STRADB: variants seen among roughly 807,000 people sequenced by gnomAD.
The protein encoded by STRADB is STE20-related kinase adapter protein beta.
STRADB carries 34 observed loss-of-function variants against 52.1 expected under a neutral mutation model. The observed-to-expected ratio is 0.65, with a 90% confidence interval of 0.50 to 0.87. The LOEUF (loss-of-function observed/expected upper bound fraction) is 0.87, where lower values mean the gene tolerates loss of function less well. Ranked by LOEUF, STRADB falls within the 40% of genes least tolerant of loss-of-function variation. The pLI is 0.00. For missense variants in STRADB, 340 were observed against 483.9 expected, an observed-to-expected ratio of 0.70 and a Z score of 2.79; for synonymous variants, 133 against 174.5, an observed-to-expected ratio of 0.76 and a Z score of 1.87.
At chr2:201,476,885 G>A (rs1322408925) in intron 7 of STRADB, among the ~76,000 whole-genome samples, 1 of 146,000 alleles carries the variant, frequency 6.8e-6, no homozygotes, top group Non-Finnish European at 1.5e-5. Flanking sequence ...AGGAGGCTGA[G>A]GCAGGAGAAT....
At chr2:201,466,024 A>G (rs1246921284) in intron 3 of STRADB, among the ~76,000 whole-genome samples, 1 of 152,214 alleles carries the variant, frequency 6.6e-6, no homozygotes, top group Non-Finnish European at 1.5e-5. Context: ...AGTTAAAAAC[A>G]GGTACTGTGA....
chr2:201,477,099 C>G (rs530457869), intron 7 of STRADB, among the ~76,000 whole-genome samples: 50 of 101,834 alleles, frequency 4.9e-4, no homozygotes, highest in Middle Eastern at 0.016. Flanking sequence ...GAGTCTCACT[C>G]TGTCCCCCAG....
chr2:201,472,891 A>T (rs1952412596), intron 4 of STRADB, 64 bp from the exon 5 acceptor site: 6 of 1,480,106 alleles, frequency 4.1e-6, no homozygotes, highest in Non-Finnish European at 5.4e-6. Flanking sequence ...AATTTTGATG[A>T]TGTCTAAATT....
At position 201,479,527 on chromosome 2, in the gene STRADB, A is replaced by G. The variant is rs1321710050; in HGVS notation, c.1109A>G (p.Lys370Arg). Residue 370 changes from lysine (K) to arginine (R), a missense_variant, in exon 11 of 12, where the codon AAA becomes AGA. Coordinates refer to ENST00000194530, the MANE Select transcript of STRADB (RefSeq NM_018571.6). ...AGTTTATTGTCCCATGTTTTCTTCA[A>G]ACAGGTGAGCTGATCTATCATCCGT... ...ASSLLSHVFF[K>R]QMKEESQDSI... The G allele has an allele frequency of 2.5e-6, 4 of 1,602,690 alleles. No homozygotes were observed. Among genetic ancestry groups the G allele is most frequent in the African/African-American group, 2.7e-5 (2 of 74,164 alleles).
chr2:201,475,343 A>G (rs1226860879), intron 6 of STRADB, among the ~76,000 whole-genome samples: 1 of 146,510 alleles, frequency 6.8e-6, no homozygotes, highest in African/African-American at 2.5e-5. Flanking sequence ...TGGATTTAAG[A>G]AAAAAAAAAA....
intron 11 of STRADB, 114 bp downstream of exon 11, chr2:201,479,645 G>A (rs1952538721): frequency 1.9e-6 from 2 of 1,047,322 alleles, no homozygotes; most frequent in Non-Finnish European, 1.4e-6. Context: ...TAATAACTTT[G>A]TTACAAAATA....
chr2:201,461,385 C>G (rs916511905), intron 3 of STRADB, among the ~76,000 whole-genome samples: 1 of 152,052 alleles, frequency 6.6e-6, no homozygotes, highest in African/African-American at 2.4e-5. Flanking sequence ...GTTGACCAGG[C>G]CGATCTTGAA....
At chr2:201,459,693 G>A (rs1952183394) in intron 3 of STRADB, among the ~76,000 whole-genome samples, 1 of 152,152 alleles carries the variant, frequency 6.6e-6, no homozygotes, top group Non-Finnish European at 1.5e-5. Context: ...CATCTGTTCA[G>A]TGTTCAGTAA....
rs1488660912 is a variant in STRADB at position 201,473,086 on chromosome 2, T to C, written c.315+10T>C. 1 of 1,608,814 alleles carries C rather than the reference T, an allele frequency of 6.2e-7. No homozygotes were observed. Among genetic ancestry groups the C allele is most frequent in the Non-Finnish European group, 8.5e-7 (1 of 1,178,474 alleles). ...CCTGAAAGCTTTACAGGTAACAATA[T>C]GAAGAAAATGATACACAGTTGGGCC... is the stretch of plus-strand genomic sequence containing the variant. On this transcript the variant is annotated intron_variant, in intron 5 of 11. Coordinates refer to ENST00000194530, the MANE Select transcript of STRADB (RefSeq NM_018571.6).
chr2:201,470,502 G>T (rs1952372835), intron 4 of STRADB, among the ~76,000 whole-genome samples: 1 of 152,182 alleles, frequency 6.6e-6, no homozygotes, highest in Non-Finnish European at 1.5e-5. Context: ...ATTGTTTATA[G>T]CTTTACATAT....
chr2:201,469,014 TAGTC>T (rs1283292594), intron 3 of STRADB, among the ~76,000 whole-genome samples: 6 of 152,208 alleles, frequency 3.9e-5, no homozygotes, highest in Admixed American at 3.9e-4. Context: ...TCTTGAACAA[TAGTC>T]AGCCTTATTT....
At chr2:201,457,619 A>G (rs1359268611) in intron 2 of STRADB, among the ~76,000 whole-genome samples, 1 of 152,258 alleles carries the variant, frequency 6.6e-6, no homozygotes, top group Non-Finnish European at 1.5e-5. Context: ...GGAAATTTAT[A>G]TTTAAGTAAT....
At position 201,475,732 on chromosome 2, in the gene STRADB, T is replaced by C. The variant is rs1952461603; in HGVS notation, c.538T>C (p.Cys180Arg). ...GTTGAACTATCTGCACCAAAATGGC[T>C]GTATTCACAGGTATTTACTTATTTG... is the stretch of plus-strand genomic sequence containing the variant. ...RGLNYLHQNGCIHRSIKASHI... is the reference protein window; with the variant it reads ...RGLNYLHQNGRIHRSIKASHI... The change falls in exon 7 of 12, where the codon TGT becomes CGT. Residue 180 changes from cysteine (C) to arginine (R), a missense_variant. Physicochemically the swap from Cys to Arg is radical, Grantham distance 180. Transcript: ENST00000194530. The C allele has an allele frequency of 1.9e-6, 3 of 1,609,418 alleles. No individual in the cohort carries two copies. Among genetic ancestry groups the C allele is most frequent in the Non-Finnish European group, 1.7e-6 (2 of 1,178,824 alleles).
intron 11 of STRADB, 119 bp downstream of exon 11, chr2:201,479,650 A>T (rs1952539100): frequency 9.8e-7 from 1 of 1,017,040 alleles, no homozygotes; most frequent in African/African-American, 1.7e-5. Flanking sequence ...ACTTTGTTAC[A>T]AAATAAAGTT....
rs1236342366 is a variant in STRADB, at chr2:201,463,710, A to G, written c.93+4846A>G. Among the ~76,000 whole-genome samples the G allele has an allele frequency of 5.9e-5, 9 of 152,122 alleles. No homozygotes were observed. The East Asian group carries it at 1.7e-3, about 29-fold the overall frequency. ...GATTTCTTTCTCTACCTCCTCTTCAATGCCGATAAATCTTAGATATGCCCT... is the reference window on the plus strand; with the variant it reads ...GATTTCTTTCTCTACCTCCTCTTCAGTGCCGATAAATCTTAGATATGCCCT... On this transcript the variant is annotated intron_variant, in intron 3 of 11. Coordinates refer to ENST00000194530, the MANE Select transcript of STRADB (RefSeq NM_018571.6).
In STRADB at chr2:201,474,684, A is replaced by G. The variant is rs1379133187; in HGVS notation, c.353A>G (p.Asn118Ser). 2 of 1,612,536 alleles carry G rather than the reference A, an allele frequency of 1.2e-6. No homozygotes were observed. Among genetic ancestry groups the G allele is most frequent in the East Asian group, 2.2e-5 (1 of 44,830 alleles). The change falls in exon 6 of 12, where the codon AAT becomes AGT. Residue 118 changes from asparagine (N) to serine (S), a missense_variant. Transcript: ENST00000194530. Reference protein sequence around the residue: ...VILSHFFRHPNITTYWTVFTV... With the variant: ...VILSHFFRHPSITTYWTVFTV... ...CTATCCCACTTTTTCCGGCATCCCAATATTACAACTTATTGGACAGTTTTC... is the reference window on the plus strand; with the variant it reads ...CTATCCCACTTTTTCCGGCATCCCAGTATTACAACTTATTGGACAGTTTTC...
chr2:201,460,882 T>C (rs1172212414), intron 3 of STRADB: 5 of 178,510 alleles, frequency 2.8e-5, no homozygotes, highest in South Asian at 1.0e-4. Context: ...TATATACCTA[T>C]CAGTGGGATC....
intron 3 of STRADB, among the ~76,000 whole-genome samples, chr2:201,465,577 T>C (rs1034226719): frequency 6.6e-5 from 10 of 151,848 alleles, no homozygotes; most frequent in Non-Finnish European, 1.5e-4. Context: ...GGAATAGGAG[T>C]GACAGAAGCA....
chr2:201,477,879 G>T, intron 8 of STRADB, 89 bp downstream of exon 8: 1 of 1,465,676 alleles, frequency 6.8e-7, no homozygotes, highest in South Asian at 1.3e-5. Context: ...TATTTGGATT[G>T]GTGAATGGCC....
Sources: gnomAD v4.1 joint callset for allele counts (sites outside exome capture counted in the v4.1 genomes callset) on GRCh38, gnomAD v4.1.1 for gene constraint, MANE v1.5 for transcripts, NCBI Gene and HGNC (gene_info 2026-07-23, HGNC 2026-07-21) for gene names.